Variants in MCTP1 observed in about 807,000 individuals in gnomAD.
MCTP1 encodes the protein multiple C2 and transmembrane domain containing 1, also known as multiple C2 and transmembrane domain-containing protein 1.
Under a neutral mutation model 120.6 loss-of-function variants are expected in MCTP1, and 69 were observed. That is an observed-to-expected ratio of 0.57 (90% CI 0.47 to 0.70). The LOEUF (loss-of-function observed/expected upper bound fraction) is 0.70. Among genes scored for constraint, MCTP1 ranks in the 30% least tolerant of loss-of-function variants. The pLI is 0.00. For missense variants in MCTP1, 1,203 were observed against 1,248.8 expected (o/e 0.96, Z 0.55); for synonymous variants, 529 against 493.1 (o/e 1.07, Z -0.96).
intron 1 of MCTP1, among the ~76,000 whole-genome samples, chr5:95,184,165 T>C: frequency 6.6e-6 from 1 of 151,706 alleles, no homozygotes; most frequent in Non-Finnish European, 1.5e-5. Flanking sequence ...ATAATAATAA[T>C]AAAAAAAGGA....
chr5:95,213,924 T>G (rs1189037793), intron 1 of MCTP1, among the ~76,000 whole-genome samples: 1 of 152,130 alleles, frequency 6.6e-6, no homozygotes, highest in Non-Finnish European at 1.5e-5. Context: ...GAAGAAAACC[T>G]AGGCATTACC....
At chr5:95,032,955 G>A (rs1840575482) in intron 1 of MCTP1, among the ~76,000 whole-genome samples, 1 of 152,006 alleles carries the variant, frequency 6.6e-6, no homozygotes, top group South Asian at 2.1e-4. Context: ...GTTCCTCAGA[G>A]ACTATTATGA....
At chr5:94,782,420 C>A (rs1776760792) in intron 18 of MCTP1, among the ~76,000 whole-genome samples, 1 of 152,034 alleles carries the variant, frequency 6.6e-6, no homozygotes, top group Non-Finnish European at 1.5e-5. Context: ...CTTTAATGGT[C>A]CAGTGAAATG....
intron 1 of MCTP1, among the ~76,000 whole-genome samples, chr5:95,272,669 C>A (rs1371913667): frequency 1.3e-5 from 2 of 152,226 alleles, no homozygotes; most frequent in Admixed American, 1.3e-4. Context: ...AGGCAGAGAG[C>A]ATGAGGCCTG....
intron 10 of MCTP1, among the ~76,000 whole-genome samples, chr5:94,900,152 C>T (rs1805126489): frequency 1.3e-5 from 2 of 152,244 alleles, no homozygotes; most frequent in Non-Finnish European, 2.9e-5. Context: ...CCTTATAATC[C>T]TCCCAACATC....
chr5:95,203,690 A>G (rs992180802), intron 1 of MCTP1, among the ~76,000 whole-genome samples: 2 of 152,256 alleles, frequency 1.3e-5, no homozygotes, highest in African/African-American at 2.4e-5. Flanking sequence ...CCAGTAAAAC[A>G]AAGTTAAAAG....
intron 1 of MCTP1, among the ~76,000 whole-genome samples, chr5:95,097,855 T>C (rs1171720673): frequency 2.0e-5 from 3 of 152,192 alleles, no homozygotes; most frequent in African/African-American, 7.2e-5. Flanking sequence ...ACTGGGGTCA[T>C]GGTAGTTGTA....
rs1754275475 is a variant in MCTP1 at position 94,705,238 on chromosome 5, A to C, written c.*2258T>G. 1 of 151,524 alleles carries C rather than the reference A, an allele frequency of 6.6e-6. No homozygotes were observed. The allele number at this position is 151,524 out of a possible 1,614,324, so 9.4% of individuals were successfully genotyped here. A position where few individuals can be genotyped will look rare whatever the true frequency, so the allele number is the denominator to read the frequency against. On this transcript the variant is annotated 3_prime_UTR_variant, in exon 23 of 23. Coordinates refer to ENST00000515393, the MANE Select transcript of MCTP1 (RefSeq NM_024717.7). Reference sequence around the variant, plus strand: ...AAGGGGAAAGAAATAAATAGTTAAAATTTTAACTATACATATTCTGTTTTC... The same window carrying C: ...AAGGGGAAAGAAATAAATAGTTAAACTTTTAACTATACATATTCTGTTTTC...
chr5:94,905,634 C>T (rs67954988), intron 10 of MCTP1, among the ~76,000 whole-genome samples: 2 of 152,036 alleles, frequency 1.3e-5, no homozygotes, highest in African/African-American at 4.8e-5. Flanking sequence ...CATGGTTCCA[C>T]GATTTTTGGT....
chr5:95,244,002 A>G (rs550493626), intron 1 of MCTP1, among the ~76,000 whole-genome samples: 2 of 152,212 alleles, frequency 1.3e-5, no homozygotes, highest in Non-Finnish European at 2.9e-5. Flanking sequence ...GTTCTAGAAA[A>G]TCATCTCTAG....
At chr5:95,280,196 A>G (rs1229676928) in intron 1 of MCTP1, among the ~76,000 whole-genome samples, 1 of 152,164 alleles carries the variant, frequency 6.6e-6, no homozygotes, top group Non-Finnish European at 1.5e-5. Context: ...TTTTTTTTCC[A>G]CTTTTTATCA....
intron 1 of MCTP1, among the ~76,000 whole-genome samples, chr5:95,066,920 C>G (rs983506123): frequency 6.6e-6 from 1 of 152,148 alleles, no homozygotes; most frequent in Non-Finnish European, 1.5e-5. Context: ...CCCTCACATG[C>G]GCAGTTCACA....
chr5:94,870,720 G>T, intron 15 of MCTP1, 152 bp downstream of exon 15: 1 of 676,360 alleles, frequency 1.5e-6, no homozygotes, highest in Non-Finnish European at 2.6e-6. Context: ...AGAAAGTGTG[G>T]GTGTGCCAGG....
At chr5:95,248,348 C>G (rs1352720562) in intron 1 of MCTP1, among the ~76,000 whole-genome samples, 1 of 152,110 alleles carries the variant, frequency 6.6e-6, no homozygotes, top group Non-Finnish European at 1.5e-5. Flanking sequence ...AATCAATGTG[C>G]AAAAATCACA....
At chr5:94,806,537 C>T (rs1782340501) in intron 17 of MCTP1, among the ~76,000 whole-genome samples, 2 of 152,194 alleles carry the variant, frequency 1.3e-5, no homozygotes, top group Admixed American at 1.3e-4. Flanking sequence ...CCATTCACAT[C>T]ATCCCATCAA....
intron 2 of MCTP1, among the ~76,000 whole-genome samples, chr5:94,954,741 G>A (rs963730201): frequency 2.0e-5 from 3 of 151,992 alleles, no homozygotes; most frequent in Non-Finnish European, 4.4e-5. Flanking sequence ...TAGTCTAATG[G>A]GCTTAGGAAA....
At chr5:95,216,061 T>C (rs1165080356) in intron 1 of MCTP1, among the ~76,000 whole-genome samples, 1 of 152,256 alleles carries the variant, frequency 6.6e-6, no homozygotes, top group Non-Finnish European at 1.5e-5. Context: ...TTCTTTGATG[T>C]TGAAATATTT....
At chr5:94,785,172 C>T (rs564043404) in intron 18 of MCTP1, among the ~76,000 whole-genome samples, 1 of 152,202 alleles carries the variant, frequency 6.6e-6, no homozygotes, top group East Asian at 1.9e-4. Flanking sequence ...AAAGGCGAAA[C>T]AATAACAAAT....
At chr5:95,155,996 G>A (rs1047215158) in intron 1 of MCTP1, among the ~76,000 whole-genome samples, 1 of 152,176 alleles carries the variant, frequency 6.6e-6, no homozygotes, top group African/African-American at 2.4e-5. Context: ...GACCTGAGGT[G>A]GCCTCTAGGA....
Sources: gnomAD v4.1 joint callset for allele counts (sites outside exome capture counted in the v4.1 genomes callset) on GRCh38, gnomAD v4.1.1 for gene constraint, MANE v1.5 for transcripts, NCBI Gene and HGNC (gene_info 2026-07-23, HGNC 2026-07-21) for gene names.